PEBP4: variants seen among roughly 807,000 people sequenced by gnomAD.
PEBP4 encodes phosphatidylethanolamine binding protein 4.
PEBP4 carries 22 observed loss-of-function variants against 23.9 expected under a neutral mutation model. The observed-to-expected ratio is 0.92, with a 90% CI of 0.66 to 1.31. The LOEUF (loss-of-function observed/expected upper bound fraction) is 1.31, where lower values mean the gene tolerates loss of function less well. PEBP4 is among the 40% of genes most tolerant of loss of function. The probability of loss-of-function intolerance (pLI) is 0.00; values close to 1 mark genes in which losing one functional copy is unlikely to be tolerated. For missense variants in PEBP4, 324 were observed against 281.7 expected, an observed-to-expected ratio of 1.15 and a Z score of -1.07; for synonymous variants, 112 against 99.3, an observed-to-expected ratio of 1.13 and a Z score of -0.76.
intron 4 of PEBP4, among the ~76,000 whole-genome samples, chr8:22,776,420 G>T (rs1251537536): frequency 6.6e-6 from 1 of 152,050 alleles, no homozygotes; most frequent in Non-Finnish European, 1.5e-5. Flanking sequence ...TTTCCATGGT[G>T]CCTGGCATGT....
At chr8:22,933,343 C>T (rs1489394789) in intron 1 of PEBP4, among the ~76,000 whole-genome samples, 1 of 152,184 alleles carries the variant, frequency 6.6e-6, no homozygotes, top group Non-Finnish European at 1.5e-5. Flanking sequence ...GTAAAATAAA[C>T]TCAAAGAGAC....
intron 4 of PEBP4, among the ~76,000 whole-genome samples, chr8:22,732,574 T>C (rs1021337531): frequency 2.6e-5 from 4 of 151,574 alleles, no homozygotes; most frequent in Middle Eastern, 6.4e-3. Flanking sequence ...AAAATAAAAT[T>C]TAAAGAAATG....
intron 4 of PEBP4, among the ~76,000 whole-genome samples, chr8:22,740,930 T>C (rs1804976765): frequency 6.6e-6 from 1 of 152,008 alleles, no homozygotes; most frequent in Admixed American, 6.5e-5. Context: ...CACAAGGGTG[T>C]TTGTTAGCTC....
intron 4 of PEBP4, among the ~76,000 whole-genome samples, chr8:22,730,017 A>G (rs1024686910): frequency 6.6e-6 from 1 of 152,112 alleles, no homozygotes; most frequent in Non-Finnish European, 1.5e-5. Context: ...TTCAAGGAGG[A>G]TGAGGCCTTA....
chr8:22,732,415 C>T (rs566120127), intron 4 of PEBP4, among the ~76,000 whole-genome samples: 7 of 151,988 alleles, frequency 4.6e-5, no homozygotes, highest in Admixed American at 6.6e-5. Flanking sequence ...ATGGTGGGGG[C>T]GTGGGGAGGG....
At chr8:22,802,293 GC>G (rs1457895591) in intron 4 of PEBP4, among the ~76,000 whole-genome samples, 1 of 152,172 alleles carries the variant, frequency 6.6e-6, no homozygotes, top group African/African-American at 2.4e-5. Context: ...GCCCCAAGAA[GC>G]CCCTGGGCCT....
At chr8:22,715,562 G>A (rs949743371) in intron 6 of PEBP4, among the ~76,000 whole-genome samples, 3 of 152,224 alleles carry the variant, frequency 2.0e-5, no homozygotes, top group African/African-American at 7.2e-5. Flanking sequence ...AACCCATCAC[G>A]AGGCTGGGGC....
intron 4 of PEBP4, among the ~76,000 whole-genome samples, chr8:22,807,800 T>C (rs1806530115): frequency 6.6e-6 from 1 of 151,962 alleles, no homozygotes; most frequent in African/African-American, 2.4e-5. Context: ...TCCACCTCCA[T>C]CCATTTATCC....
At chr8:22,750,346 C>G (rs147980590) in intron 4 of PEBP4, among the ~76,000 whole-genome samples, 1,928 of 145,538 alleles carry the variant, frequency 0.013, 49 homozygotes, top group African/African-American at 0.047. Flanking sequence ...GTGATCCACC[C>G]GCTGTGGCCT....
intron 4 of PEBP4, among the ~76,000 whole-genome samples, chr8:22,749,805 CTTTTT>C (rs71206545): frequency 1.2e-5 from 1 of 83,760 alleles, no homozygotes; most frequent in Non-Finnish European, 2.4e-5. Flanking sequence ...GTTTGTCATT[CTTTTT>C]TTTTTTTTTT....
At chr8:22,740,602 C>A (rs1001345746) in intron 4 of PEBP4, among the ~76,000 whole-genome samples, 1 of 152,210 alleles carries the variant, frequency 6.6e-6, no homozygotes, top group African/African-American at 2.4e-5. Context: ...GGGGACCACT[C>A]ATCAGATCTG....
chr8:22,837,132 T>C (rs1807220980), intron 3 of PEBP4, among the ~76,000 whole-genome samples: 1 of 152,196 alleles, frequency 6.6e-6, no homozygotes, highest in African/African-American at 2.4e-5. Flanking sequence ...GTTTACAGTC[T>C]CTAGAATCTA....
chr8:22,868,010 C>A (rs1807939445), intron 3 of PEBP4, among the ~76,000 whole-genome samples: 1 of 152,124 alleles, frequency 6.6e-6, no homozygotes, highest in African/African-American at 2.4e-5. Context: ...TAGGATCTAG[C>A]CCAGCCCGGC....
At chr8:22,863,528 T>C (rs949944830) in intron 3 of PEBP4, among the ~76,000 whole-genome samples, 10 of 152,132 alleles carry the variant, frequency 6.6e-5, no homozygotes, top group African/African-American at 2.2e-4. Context: ...CATGGGGCTT[T>C]TGATGAGGAT....
At chr8:22,871,909 G>A (rs886303690) in intron 3 of PEBP4, among the ~76,000 whole-genome samples, 2 of 152,092 alleles carry the variant, frequency 1.3e-5, no homozygotes, top group African/African-American at 2.4e-5. Flanking sequence ...TACCCAGTAT[G>A]TAGTCTTTTA....
intron 4 of PEBP4, among the ~76,000 whole-genome samples, chr8:22,759,529 C>T (rs968937377): frequency 6.6e-6 from 1 of 152,054 alleles, no homozygotes; most frequent in Non-Finnish European, 1.5e-5. Context: ...GTGCCCGCTC[C>T]GTCTCAGGGC....
At chr8:22,794,266 C>G (rs1402485145) in intron 4 of PEBP4, among the ~76,000 whole-genome samples, 1 of 151,204 alleles carries the variant, frequency 6.6e-6, no homozygotes, top group African/African-American at 2.4e-5. Flanking sequence ...TTTCTTACTT[C>G]TTTCAACAAC....
intron 2 of PEBP4, chr8:22,924,595 T>G (rs1809284035): frequency 1.1e-6 from 1 of 932,852 alleles, no homozygotes; most frequent in South Asian, 5.0e-5. Flanking sequence ...CAGCAGGGCC[T>G]CGGGGTAAGA....
At chr8:22,807,011 T>C (rs1156741607) in intron 4 of PEBP4, among the ~76,000 whole-genome samples, 1 of 152,242 alleles carries the variant, frequency 6.6e-6, no homozygotes, top group African/African-American at 2.4e-5. Context: ...ATCTGCTTAT[T>C]AAACTGTTTT....
Sources: gnomAD v4.1 joint callset for allele counts (sites outside exome capture counted in the v4.1 genomes callset) on GRCh38, gnomAD v4.1.1 for gene constraint, MANE v1.5 for transcripts, NCBI Gene and HGNC (gene_info 2026-07-23, HGNC 2026-07-21) for gene names.